The following JAK2 variants were observed in gnomAD, a reference collection of about 807,000 sequenced individuals.
JAK2 encodes the protein tyrosine-protein kinase JAK2.
A neutral mutation model predicts 139.3 loss-of-function variants in JAK2; 86 were observed. That is an observed-to-expected ratio of 0.62 (90% CI 0.52 to 0.74). JAK2 has a LOEUF of 0.74. Among genes scored for constraint, JAK2 ranks in the 30% least tolerant of loss-of-function variants. The pLI is 0.00. For missense variants in JAK2, 1,421 were observed against 1,360.3 expected (o/e 1.04, Z -0.70); for synonymous variants, 490 against 437.7 (o/e 1.12, Z -1.49).
At chr9:5,092,067 G>A (rs1255710166) in intron 22 of JAK2, among the ~76,000 whole-genome samples, 1 of 152,074 alleles carries the variant, frequency 6.6e-6, no homozygotes, top group East Asian at 1.9e-4. Context: ...GTAAAACAAG[G>A]TTGTCCTATT....
Position 5,128,476 on chromosome 9 carries a change from T to C in JAK2, c.*1685T>C, listed in dbSNP as rs373031512. Among the ~76,000 whole-genome samples the C allele has an allele frequency of 1.2e-3, 186 of 151,950 alleles. No individual in the cohort carries two copies. The highest frequency in any genetic ancestry group is 4.2e-3 in the African/African-American group (175 of 41,556). Reference sequence around the variant, plus strand: ...ATTTTACTACCTTTCAAGTGAAAAATAGCCTATCATACAATATGCTTGATT... The same window carrying C: ...ATTTTACTACCTTTCAAGTGAAAAACAGCCTATCATACAATATGCTTGATT... On this transcript the variant is annotated 3_prime_UTR_variant, in exon 25 of 25. Coordinates refer to ENST00000381652, the MANE Select transcript of JAK2 (RefSeq NM_004972.4).
intron 4 of JAK2, among the ~76,000 whole-genome samples, chr9:5,040,270 A>T (rs1214988488): frequency 6.6e-6 from 1 of 151,654 alleles, no homozygotes; most frequent in Non-Finnish European, 1.5e-5. Context: ...ATGAAGTAAG[A>T]CAATCTACTT....
intron 5 of JAK2, among the ~76,000 whole-genome samples, chr9:5,047,028 A>G (rs184394213): frequency 2.6e-5 from 4 of 152,296 alleles, no homozygotes; most frequent in Admixed American, 2.6e-4. Context: ...TCCTTCTAGG[A>G]AGGATTGTCT....
At chr9:5,105,928 A>C (rs1465173478) in intron 22 of JAK2, among the ~76,000 whole-genome samples, 2 of 152,252 alleles carry the variant, frequency 1.3e-5, no homozygotes, top group Non-Finnish European at 2.9e-5. Flanking sequence ...TGGATTAAAG[A>C]CTTAAATGTT....
At chr9:5,080,705 T>C (rs200842280) in intron 18 of JAK2, 22 bp downstream of exon 18, 52 of 1,505,714 alleles carry the variant, frequency 3.5e-5, no homozygotes, top group East Asian at 2.1e-4. Context: ...AATGATCTTA[T>C]TGATTTTCCA....
intron 4 of JAK2, among the ~76,000 whole-genome samples, chr9:5,033,777 T>G (rs1316418949): frequency 1.3e-5 from 2 of 152,140 alleles, no homozygotes; most frequent in East Asian, 1.9e-4. Flanking sequence ...TACCAGCCAC[T>G]GCAAAAACAC....
chr9:5,039,706 A>C (rs1816343017), intron 4 of JAK2, among the ~76,000 whole-genome samples: 1 of 152,188 alleles, frequency 6.6e-6, no homozygotes, highest in South Asian at 2.1e-4. Flanking sequence ...GAACAATCCA[A>C]AAATGAAATT....
At chr9:5,051,198 C>G (rs1817392517) in intron 6 of JAK2, among the ~76,000 whole-genome samples, 1 of 152,080 alleles carries the variant, frequency 6.6e-6, no homozygotes, top group Admixed American at 6.6e-5. Context: ...GGGAGTAAAA[C>G]ACACTTTGTA....
chr9:5,085,191 G>C (rs1819990501), intron 19 of JAK2: 2 of 658,424 alleles, frequency 3.0e-6, no homozygotes, highest in Non-Finnish European at 5.9e-6. Flanking sequence ...ACCATCTCAT[G>C]ATCATAGCAT....
At chr9:5,014,443 A>G (rs1343989256) in intron 2 of JAK2, among the ~76,000 whole-genome samples, 2 of 152,222 alleles carry the variant, frequency 1.3e-5, no homozygotes, top group Admixed American at 1.3e-4. Context: ...AGTAGTAAAT[A>G]ATACATTAAG....
At chr9:5,084,006 AATTT>A (rs1461094427) in intron 19 of JAK2, among the ~76,000 whole-genome samples, 1 of 152,078 alleles carries the variant, frequency 6.6e-6, no homozygotes, top group African/African-American at 2.4e-5. Flanking sequence ...AATATACCAT[AATTT>A]ATTTACAACA....
At chr9:5,126,080 T>C in intron 23 of JAK2, 1 of 302,934 alleles carries the variant, frequency 3.3e-6, no homozygotes, top group Non-Finnish European at 6.0e-6. Flanking sequence ...AAATATGTTT[T>C]TAGTTCATGT....
intron 4 of JAK2, among the ~76,000 whole-genome samples, chr9:5,043,563 G>A (rs1816773250): frequency 6.6e-6 from 1 of 152,174 alleles, no homozygotes; most frequent in Non-Finnish European, 1.5e-5. Flanking sequence ...GGTAAACAAA[G>A]AGTTACCATA....
chr9:5,112,819 T>A, intron 22 of JAK2: 1 of 554,936 alleles, frequency 1.8e-6, no homozygotes. Flanking sequence ...TGGGCTTGAG[T>A]GAAGCCCACA....
chr9:5,000,415 G>T (rs1314560969), intron 2 of JAK2, among the ~76,000 whole-genome samples: 1 of 152,088 alleles, frequency 6.6e-6, no homozygotes, highest in African/African-American at 2.4e-5. Context: ...TTTTAAAAGG[G>T]TATTTACAAA....
At chr9:5,040,011 T>G (rs1000092136) in intron 4 of JAK2, among the ~76,000 whole-genome samples, 13 of 152,166 alleles carry the variant, frequency 8.5e-5, no homozygotes, top group African/African-American at 3.1e-4. Flanking sequence ...TAAAACAATC[T>G]TGAAACAATA....
chr9:5,125,533 A>G (rs948737990), intron 23 of JAK2, among the ~76,000 whole-genome samples: 3 of 151,440 alleles, frequency 2.0e-5, no homozygotes, highest in Non-Finnish European at 4.4e-5. Flanking sequence ...GAATAAAAGT[A>G]TAAGTAAAAG....
rs138384693 is a variant in JAK2 at position 5,049,451 on chromosome 9, T to G, written c.469-1235T>G. Among the ~76,000 whole-genome samples the G allele has an allele frequency of 3.1e-3, 473 of 152,368 alleles. 1 individual carries two copies. Among genetic ancestry groups the G allele is most frequent in the African/African-American group, 0.011 (447 of 41,588 alleles). Reference sequence around the variant, plus strand: ...TTCCTTCTATTTCTTTACCCTGTTTTGTGTCCATCATACATTTCTTTATTT... The same window carrying G: ...TTCCTTCTATTTCTTTACCCTGTTTGGTGTCCATCATACATTTCTTTATTT... On this transcript the variant is annotated intron_variant, in intron 5 of 24. Transcript: ENST00000381652.
chr9:5,107,727 T>C (rs1822083214), intron 22 of JAK2, among the ~76,000 whole-genome samples: 1 of 152,182 alleles, frequency 6.6e-6, no homozygotes, highest in South Asian at 2.1e-4. Context: ...ATCATCCCTA[T>C]GTGCCTAGAA....
Sources: allele counts gnomAD v4.1 joint callset (sites outside exome capture counted in the v4.1 genomes callset), GRCh38; gene constraint gnomAD v4.1.1; transcripts MANE v1.5; gene names NCBI Gene and HGNC (gene_info 2026-07-23, HGNC 2026-07-21).